UBXN2B: variants seen among roughly 807,000 people sequenced by gnomAD.
The protein encoded by UBXN2B is UBX domain protein 2B.
Under a neutral mutation model 37.5 loss-of-function variants are expected in UBXN2B, and 19 were observed. The ratio of observed to expected loss-of-function variants is 0.51; its 90% CI spans 0.35 to 0.74. The LOEUF (loss-of-function observed/expected upper bound fraction) is 0.74, where lower values mean the gene tolerates loss of function less well. Ranked by LOEUF, UBXN2B falls within the 30% of genes least tolerant of loss-of-function variation. The probability of loss-of-function intolerance (pLI) is 0.01; values close to 1 mark genes in which losing one functional copy is unlikely to be tolerated. For synonymous variants in UBXN2B, 145 were observed against 143.8 expected (o/e 1.01, Z -0.06); for missense variants, 370 against 393.2 (o/e 0.94, Z 0.50).
chr8:58,412,174 T>A (rs2129603536), intron 1 of UBXN2B, among the ~76,000 whole-genome samples: 1 of 152,336 alleles, frequency 6.6e-6, no homozygotes, highest in South Asian at 2.1e-4. Context: ...TTGATAAAAA[T>A]TTGACAAGTA....
Position 58,432,375 on chromosome 8 carries a change from C to CTTTTTTTT in UBXN2B, c.340-767_340-760dup, listed in dbSNP as rs34018318. 4.9e-4 allele frequency among the ~76,000 whole-genome samples: 40 copies of CTTTTTTTT among 81,504 alleles called. 1 individual carries two copies. Among genetic ancestry groups the CTTTTTTTT allele is most frequent in the Non-Finnish European group, 5.3e-4 (25 of 46,786 alleles). 53.5% of individuals were successfully genotyped at this position (81,504 alleles called of 152,430 possible). A position where few individuals can be genotyped will look rare whatever the true frequency, so the allele number is the denominator to read the frequency against. On this transcript the variant is annotated intron_variant, in intron 3 of 7. Transcript: ENST00000399598. ...ATTGCTTTTGTACCTTTCTAAATTT[C>CTTTTTTTT]TTTTTTTTTTTTTTTTTTTTTTTTT...
Position 58,434,377 on chromosome 8 carries a change from T to C in UBXN2B, c.424-18T>C. On this transcript the variant is annotated intron_variant, in intron 4 of 7. Transcript: ENST00000399598. ...TATATATATATATATATATTTTTTT[T>C]TTTTCTATACCCAAAAGGTTCAGAT... The C allele has an allele frequency of 9.0e-7, 1 of 1,107,316 alleles. No homozygotes were observed. Among genetic ancestry groups the C allele is most frequent in the South Asian group, 3.0e-5 (1 of 33,416 alleles). 68.6% of individuals were successfully genotyped at this position (1,107,316 alleles called of 1,614,324 possible). A position where few individuals can be genotyped will look rare whatever the true frequency, so the allele number is the denominator to read the frequency against.
At chr8:58,411,532 G>C in intron 1 of UBXN2B, 63 bp downstream of exon 1, 1 of 1,214,654 alleles carries the variant, frequency 8.2e-7, no homozygotes, top group Non-Finnish European at 1.0e-6. Context: ...GGCGCGGGCT[G>C]GTGCGAGTTG....
intron 4 of UBXN2B, among the ~76,000 whole-genome samples, chr8:58,433,696 G>A (rs1379393159): frequency 6.6e-6 from 1 of 151,780 alleles, no homozygotes; most frequent in Non-Finnish European, 1.5e-5. Context: ...AGCACTTTGG[G>A]AGACTGAGGT....
intron 2 of UBXN2B, chr8:58,426,779 C>T (rs761948980): frequency 1.6e-4 from 100 of 618,194 alleles, no homozygotes; most frequent in Non-Finnish European, 2.6e-4. Context: ...GAGGCCCGCT[C>T]GGGACCAGAT....
In UBXN2B at chr8:58,425,548, T is replaced by G. The variant is rs1758945935; in HGVS notation, c.189-4971T>G. 5.6e-6 allele frequency: 6 copies of G among 1,077,740 alleles called. No homozygotes were observed. In the South Asian group the frequency reaches 6.3e-5, roughly 11 times the overall value. 66.8% of individuals were successfully genotyped at this position (1,077,740 alleles called of 1,614,324 possible). A position where few individuals can be genotyped will look rare whatever the true frequency, so the allele number is the denominator to read the frequency against. On this transcript the variant is annotated intron_variant, in intron 2 of 7. Coordinates refer to ENST00000399598, the MANE Select transcript of UBXN2B (RefSeq NM_001077619.2). Reference sequence around the variant, plus strand: ...CAGGTTATTTTTATATCTATTTTTGTTTTTGTTTTCTTGCCTTTTACCCTC... The same window carrying G: ...CAGGTTATTTTTATATCTATTTTTGGTTTTGTTTTCTTGCCTTTTACCCTC...
intron 1 of UBXN2B, among the ~76,000 whole-genome samples, chr8:58,414,684 A>G (rs1807726861): frequency 6.6e-6 from 1 of 152,064 alleles, no homozygotes; most frequent in African/African-American, 2.4e-5. Context: ...GTATTTACTA[A>G]TGAACTCATG....
intron 3 of UBXN2B, among the ~76,000 whole-genome samples, chr8:58,431,655 G>C (rs938540189): frequency 6.6e-6 from 1 of 152,204 alleles, no homozygotes; most frequent in African/African-American, 2.4e-5. Flanking sequence ...ATTTTCCAGA[G>C]TGGTTGTGCC....
In UBXN2B at chr8:58,439,703, G is replaced by T; in HGVS notation, c.604G>T (p.Asp202Tyr). The T allele has an allele frequency of 6.2e-7, 1 of 1,612,936 alleles. No individual in the cohort carries two copies. Among genetic ancestry groups the T allele is most frequent in the Non-Finnish European group, 8.5e-7 (1 of 1,179,566 alleles). ...QVNLDMEDHQ[D>Y]QEYIKPRLRF... Reference sequence around the variant, plus strand: ...GAATTTGGATATGGAGGATCATCAGGATCAAGAATACATAAAACCTAGATT... The same window carrying T: ...GAATTTGGATATGGAGGATCATCAGTATCAAGAATACATAAAACCTAGATT... The change falls in exon 6 of 8, where the codon GAT (aspartate) becomes TAT (tyrosine). Residue 202 changes from aspartate (D) to tyrosine (Y), a missense_variant. By Grantham distance (160) the Asp-to-Tyr change is radical. Around this residue, in one of 3 missense-constraint regions of UBXN2B, gnomAD observed 90 missense variants for 139.4 expected, o/e 0.65. Transcript: ENST00000399598.
intron 2 of UBXN2B, chr8:58,425,816 C>G (rs184718149): frequency 8.5e-7 from 1 of 1,169,930 alleles, no homozygotes; most frequent in South Asian, 1.2e-5. Flanking sequence ...ATACCGTTCT[C>G]CTCCACCAAC....
chr8:58,446,270 C>T (rs539376930), intron 7 of UBXN2B, among the ~76,000 whole-genome samples: 2 of 152,214 alleles, frequency 1.3e-5, no homozygotes, highest in South Asian at 4.1e-4. Context: ...TAAACAGTCT[C>T]TATAAACTAT....
At chr8:58,424,734 C>G in intron 2 of UBXN2B, 3 of 1,376,388 alleles carry the variant, frequency 2.2e-6, no homozygotes, top group Non-Finnish European at 3.1e-6. Context: ...CTAGAGAATA[C>G]TTAATATTTG....
At chr8:58,423,438 GTTGT>G (rs1807983770) in intron 2 of UBXN2B, among the ~76,000 whole-genome samples, 1 of 147,828 alleles carries the variant, frequency 6.8e-6, no homozygotes, top group African/African-American at 2.5e-5. Flanking sequence ...TTTTTTTGTT[GTTGT>G]TTTTTTTTTT....
At chr8:58,436,420 G>A (rs1265261347) in intron 5 of UBXN2B, among the ~76,000 whole-genome samples, 3 of 152,182 alleles carry the variant, frequency 2.0e-5, no homozygotes, top group Non-Finnish European at 2.9e-5. Flanking sequence ...TGATTCTTTG[G>A]AACCCAAGAT....
rs1291802537 is a variant in UBXN2B at position 58,437,334 on chromosome 8, T to C, written c.534-2299T>C. The stretch of plus-strand genomic sequence containing the variant: ...AAGAAATTTCTTTTTTTTTTTTTTT[T>C]TTTTTTTTTTTGGAGACGATTCATG... On this transcript the variant is annotated intron_variant, in intron 5 of 7. Coordinates refer to ENST00000399598, the MANE Select transcript of UBXN2B (RefSeq NM_001077619.2). 3.5e-5 allele frequency among the ~76,000 whole-genome samples: 5 copies of C among 142,156 alleles called. No homozygotes were observed. In the East Asian group the frequency reaches 1.0e-3, roughly 29 times the overall value. The allele number at this position is 142,156 out of a possible 152,430, so 93.3% of individuals were successfully genotyped here.
intron 6 of UBXN2B, among the ~76,000 whole-genome samples, chr8:58,442,575 T>C (rs1465362501): frequency 1.3e-5 from 2 of 152,218 alleles, no homozygotes; most frequent in Non-Finnish European, 2.9e-5. Context: ...GATATACAAT[T>C]ATGGTGCAAA....
At position 58,442,898 on chromosome 8, in the gene UBXN2B, ACT is replaced by A. The variant is rs796815547; in HGVS notation, c.672-3005_672-3004del. On this transcript the variant is annotated intron_variant, in intron 6 of 7. Transcript: ENST00000399598. The stretch of plus-strand genomic sequence containing the variant: ...TTCTCTTCAAAAGATTGTGCTTGCC[ACT>A]CTCACTTACCTGAGATTTGACTTCA... Among the ~76,000 whole-genome samples the A allele has an allele frequency of 3.9e-5, 6 of 152,120 alleles. No homozygotes were observed. In the South Asian group the frequency reaches 1.0e-3, roughly 26 times the overall value.
chr8:58,434,558 T>A, intron 5 of UBXN2B, 54 bp downstream of exon 5: 1 of 1,274,428 alleles, frequency 7.8e-7, no homozygotes, highest in Non-Finnish European at 1.1e-6. Flanking sequence ...CTTATTTTCT[T>A]AACAGACTAC....
chr8:58,425,348 A>G (rs1384735328), intron 2 of UBXN2B: 1 of 1,150,894 alleles, frequency 8.7e-7, no homozygotes. Flanking sequence ...ACCATCCGCC[A>G]AAAGTCGTTC....
Sources: allele counts gnomAD v4.1 joint callset (sites outside exome capture counted in the v4.1 genomes callset), GRCh38; gene constraint gnomAD v4.1.1; regional missense constraint gnomAD v4.1.1; transcripts MANE v1.5; gene names NCBI Gene and HGNC (gene_info 2026-07-23, HGNC 2026-07-21).